Variants in CHCHD6 observed in about 807,000 individuals in gnomAD.
CHCHD6 encodes coiled-coil-helix-coiled-coil-helix domain containing 6, also known as MICOS complex subunit MIC25.
CHCHD6 carries 28 observed loss-of-function variants against 32.3 expected under a neutral mutation model. That is an observed-to-expected ratio of 0.87 (90% CI 0.64 to 1.19). CHCHD6 has a LOEUF of 1.19. Among genes scored for constraint, CHCHD6 ranks in the 50% most tolerant of loss-of-function variants. The pLI is 0.00. For missense variants in CHCHD6, 333 were observed against 307.0 expected (o/e 1.08, Z -0.63); for synonymous variants, 122 against 117.5 (o/e 1.04, Z -0.25).
Position 126,943,760 on chromosome 3 carries a change from T to C in CHCHD6, c.567-13656T>C, listed in dbSNP as rs187124763. 3.9e-5 allele frequency among the ~76,000 whole-genome samples: 6 copies of C among 152,204 alleles called. No individual in the cohort carries two copies. In the East Asian group the frequency reaches 1.2e-3, roughly 29 times the overall value. ...GGTTTACCACGGTGTTCTGTGCAGC[T>C]CCAGTTTCTGAATGTGCTCGAGGAA... On this transcript the variant is annotated intron_variant, in intron 6 of 7. Coordinates refer to ENST00000290913, the MANE Select transcript of CHCHD6 (RefSeq NM_032343.3).
chr3:126,867,620 C>T (rs1942331827), intron 5 of CHCHD6, among the ~76,000 whole-genome samples: 1 of 152,174 alleles, frequency 6.6e-6, no homozygotes, highest in African/African-American at 2.4e-5. Context: ...GGAGAACCCC[C>T]TTGATATTTT....
In CHCHD6 at chr3:126,730,595, C is replaced by T. The variant is rs1935748185; in HGVS notation, c.231C>T (p.Gly77=). ...STLPRSGSSG[G]QQPSGMKEGV... ...TGCCCAGGTCGGGGAGCAGTGGTGG[C>T]CAGCAGCCCTCAGGGATGAAGGAGG... The change falls in exon 3 of 8, where the codon GGC becomes GGT. Residue 77 remains glycine (G), a synonymous_variant. Transcript: ENST00000290913. The T allele has an allele frequency of 6.2e-7, 1 of 1,613,846 alleles. No individual in the cohort carries two copies. Among genetic ancestry groups the T allele is most frequent in the African/African-American group, 1.3e-5 (1 of 75,042 alleles).
chr3:126,848,493 G>A (rs186493451), intron 4 of CHCHD6, among the ~76,000 whole-genome samples: 1 of 152,200 alleles, frequency 6.6e-6, no homozygotes, highest in Non-Finnish European at 1.5e-5. Flanking sequence ...ATCAATTGGA[G>A]ATTGTAATGC....
At chr3:126,923,359 G>A (rs1376470633) in intron 6 of CHCHD6, among the ~76,000 whole-genome samples, 1 of 152,044 alleles carries the variant, frequency 6.6e-6, no homozygotes, top group Non-Finnish European at 1.5e-5. Context: ...CTTACTGTTT[G>A]TCTTACCCAG....
chr3:126,951,417 T>A (rs2078714066), intron 6 of CHCHD6, among the ~76,000 whole-genome samples: 1 of 152,096 alleles, frequency 6.6e-6, no homozygotes, highest in Non-Finnish European at 1.5e-5. Context: ...TTTCCATGGA[T>A]GGAAGGAAAA....
intron 4 of CHCHD6, among the ~76,000 whole-genome samples, chr3:126,847,742 C>G (rs1415150574): frequency 2.0e-5 from 3 of 151,916 alleles, no homozygotes; most frequent in Non-Finnish European, 4.4e-5. Flanking sequence ...CTCTCCCTCT[C>G]TCTCCTCTCC....
chr3:126,837,874 C>A (rs1054118049), intron 4 of CHCHD6, among the ~76,000 whole-genome samples: 9 of 152,230 alleles, frequency 5.9e-5, no homozygotes, highest in African/African-American at 2.2e-4. Context: ...TCCACCGTCT[C>A]CTTCCCTGCT....
intron 5 of CHCHD6, among the ~76,000 whole-genome samples, chr3:126,865,185 A>ACCACCAC (rs1942244895): frequency 3.5e-4 from 36 of 101,564 alleles, no homozygotes; most frequent in South Asian, 7.1e-4. Flanking sequence ...CTCCTCCTCC[A>ACCACCAC]CTACCACCTC....
chr3:126,900,576 G>A (rs899097039), intron 5 of CHCHD6, among the ~76,000 whole-genome samples: 1 of 150,898 alleles, frequency 6.6e-6, no homozygotes, highest in African/African-American at 2.4e-5. Flanking sequence ...GAAGAAGCAA[G>A]AGAGAAGGAC....
intron 5 of CHCHD6, among the ~76,000 whole-genome samples, chr3:126,856,012 C>T (rs78388867): frequency 1.3e-5 from 2 of 152,136 alleles, no homozygotes; most frequent in South Asian, 2.1e-4. Context: ...ACCTGGCAAC[C>T]TTCATTTAAA....
chr3:126,789,140 G>C (rs575752236), intron 4 of CHCHD6, among the ~76,000 whole-genome samples: 1 of 152,340 alleles, frequency 6.6e-6, no homozygotes, highest in South Asian at 2.1e-4. Context: ...TTTTGAGTGA[G>C]TTTCTTAATC....
intron 4 of CHCHD6, among the ~76,000 whole-genome samples, chr3:126,790,807 C>A (rs1280165471): frequency 6.6e-6 from 1 of 152,188 alleles, no homozygotes; most frequent in Non-Finnish European, 1.5e-5. Context: ...TTGTCTGAAG[C>A]CTTCTTCTCT....
At chr3:126,786,148 G>C (rs985392837) in intron 4 of CHCHD6, among the ~76,000 whole-genome samples, 26 of 152,168 alleles carry the variant, frequency 1.7e-4, no homozygotes, top group Non-Finnish European at 3.2e-4. Flanking sequence ...CCCTATAAAG[G>C]ACATGAATTC....
intron 4 of CHCHD6, among the ~76,000 whole-genome samples, chr3:126,776,579 C>A (rs941783024): frequency 2.6e-5 from 4 of 152,128 alleles, no homozygotes; most frequent in Admixed American, 2.6e-4. Flanking sequence ...AGGCATAGGA[C>A]CTTGAGGGCA....
chr3:126,819,269 G>A (rs919111304), intron 4 of CHCHD6, among the ~76,000 whole-genome samples: 10 of 152,084 alleles, frequency 6.6e-5, no homozygotes, highest in South Asian at 2.1e-4. Context: ...GTGCACAGCC[G>A]CTGTTCTCTG....
chr3:126,849,471 A>T (rs1312190257), intron 4 of CHCHD6, among the ~76,000 whole-genome samples: 1 of 152,222 alleles, frequency 6.6e-6, no homozygotes, highest in Non-Finnish European at 1.5e-5. Flanking sequence ...GTGTGAACTC[A>T]CTGTGTTGTG....
chr3:126,738,792 TAAAAC>T lies in CHCHD6; in HGVS notation c.411+5584_411+5588del, dbSNP rs539965572. On this transcript the variant is annotated intron_variant, in intron 4 of 7. Transcript: ENST00000290913. ...CAAAGGTCTGACCCTTTTCAAGCAA[TAAAAC>T]AAAACAAAACAAAGTTTAAAAAGGC... Among the ~76,000 whole-genome samples, 1,059 of 152,292 alleles carry T rather than the reference TAAAAC, an allele frequency of 7.0e-3. 12 individuals are homozygous for T. The highest frequency in any genetic ancestry group is 0.024 in the African/African-American group (1,016 of 41,554).
chr3:126,958,379 C>T (rs4679313), intron 7 of CHCHD6, among the ~76,000 whole-genome samples: 152,089 of 152,310 alleles, frequency 1, 75,934 homozygotes, highest in Middle Eastern at 1. Context: ...GGAGAAACAA[C>T]AGGACGAGGT....
chr3:126,798,721 T>C (rs1289743855), intron 4 of CHCHD6, among the ~76,000 whole-genome samples: 2 of 152,134 alleles, frequency 1.3e-5, no homozygotes, highest in East Asian at 3.9e-4. Context: ...AGAGGACCTT[T>C]GACAGTCACA....
Sources: allele counts gnomAD v4.1 joint callset (sites outside exome capture counted in the v4.1 genomes callset), GRCh38; gene constraint gnomAD v4.1.1; transcripts MANE v1.5; gene names NCBI Gene and HGNC (gene_info 2026-07-23, HGNC 2026-07-21).